Variants in ALG13 observed in about 807,000 individuals in gnomAD.
The protein encoded by ALG13 is UDP-N-acetylglucosamine transferase subunit ALG13.
In ALG13, 11 loss-of-function variants were observed where a neutral mutation model predicts 87.8. That is an observed-to-expected ratio of 0.13 (90% CI 0.08 to 0.21). The LOEUF is 0.21. Among genes scored for constraint, ALG13 ranks in the 10% least tolerant of loss-of-function variants. ALG13 has a pLI of 1.00. For synonymous variants in ALG13, 320 were observed against 306.3 expected (o/e 1.04, Z -0.47); for missense variants, 756 against 866.1 (o/e 0.87, Z 1.60).
At chrX:111,742,090 A>G (rs113235019) in intron 23 of ALG13, among the ~76,000 whole-genome samples, 2,249 of 111,816 alleles carry the variant, frequency 0.02, 56 homozygotes, top group African/African-American at 0.07. Context: ...TACTGCCTTC[A>G]TTTATTTGCT....
intron 23 of ALG13, among the ~76,000 whole-genome samples, chrX:111,742,536 A>G (rs774858087): frequency 8.9e-6 from 1 of 112,313 alleles, no homozygotes; most frequent in Non-Finnish European, 1.9e-5. Flanking sequence ...CAAAGTATCA[A>G]TTGTAAATAA....
chrX:111,708,112 T>C lies in ALG13; in HGVS notation c.469T>C (p.Phe157Leu). The C allele has an allele frequency of 1.7e-6, 2 of 1,211,569 alleles. No homozygotes were observed. The highest frequency in any genetic ancestry group is 5.9e-5 in the East Asian group (2 of 33,826). ...TTCTGCAGCGCTGACTTCAACTGCC[T>C]TTTCAGGCCTAGACTTTGGGCTGCT... ...QDSAALTSTA[F>L]SGLDFGLLSG... is the part of the protein sequence containing the mutation. The change falls in exon 4 of 27, where the codon TTT becomes CTT. Residue 157 changes from phenylalanine (F) to leucine (L), a missense_variant. Transcript: ENST00000394780.
At chrX:111,732,016 G>A (rs1053095562) in intron 21 of ALG13, among the ~76,000 whole-genome samples, 1 of 111,565 alleles carries the variant, frequency 9.0e-6, no homozygotes, top group Non-Finnish European at 1.9e-5. Flanking sequence ...ACTGTTTGTC[G>A]TTGTTCAAAC....
intron 3 of ALG13, chrX:111,688,554 T>C: frequency 1.3e-6 from 1 of 742,718 alleles, no homozygotes; most frequent in Non-Finnish European, 1.6e-6. Flanking sequence ...CAGAGTGGAG[T>C]GGATATATTC....
intron 25 of ALG13, among the ~76,000 whole-genome samples, chrX:111,755,859 T>C (rs1428911450): frequency 2.7e-5 from 3 of 112,511 alleles, no homozygotes; most frequent in Non-Finnish European, 5.6e-5. Flanking sequence ...GACAGTGTGG[T>C]AATTCCTCAA....
intron 3 of ALG13, among the ~76,000 whole-genome samples, chrX:111,699,964 A>G (rs1214611013): frequency 9.3e-6 from 1 of 108,082 alleles, no homozygotes; most frequent in Non-Finnish European, 1.9e-5. Context: ...TCTGTGGATC[A>G]CTTTGGTAGT....
At chrX:111,722,213 G>A (rs918900863) in intron 12 of ALG13, among the ~76,000 whole-genome samples, 5 of 112,106 alleles carry the variant, frequency 4.5e-5, no homozygotes, top group Non-Finnish European at 9.4e-5. Context: ...CAGAGTTTGA[G>A]TAGTTCTGAG....
Position 111,726,959 on chromosome X carries a change from T to C in ALG13, c.1880T>C (p.Met627Thr), listed in dbSNP as rs1356777778. The C allele has an allele frequency of 2.5e-6, 3 of 1,211,690 alleles. No homozygotes were observed. The highest frequency in any genetic ancestry group is 1.8e-5 in the South Asian group (1 of 56,968). Residue 627 changes from methionine to threonine, a missense_variant, in exon 16 of 27, where the codon ATG (methionine) becomes ACG (threonine). Transcript: ENST00000394780. The part of the protein sequence containing the change: ...HSMHYGHDPP[M>T]HYSQTAGNVM... ...ATGCATTATGGGCACGATCCTCCAATGCACTACTCACAGACAGCTGGCAAT... is the reference window on the plus strand; with the variant it reads ...ATGCATTATGGGCACGATCCTCCAACGCACTACTCACAGACAGCTGGCAAT...
intron 21 of ALG13, among the ~76,000 whole-genome samples, chrX:111,731,388 T>C (rs1942669429): frequency 1.8e-5 from 2 of 112,082 alleles, no homozygotes; most frequent in South Asian, 7.5e-4. Flanking sequence ...AAAAAAACAG[T>C]TATTGGCCTG....
chrX:111,727,901 T>C lies in ALG13; in HGVS notation c.2247+131T>C, dbSNP rs1942241909. The C allele has an allele frequency of 3.8e-6, 3 of 787,230 alleles. No individual in the cohort carries two copies. The East Asian group carries it at 1.1e-4, about 28-fold the overall frequency. The allele number at this position is 787,230 out of a possible 1,213,427, so 64.9% of individuals were successfully genotyped here. ...CAAAGCCTTTTCTGGAAAATGAAAA[T>C]GAGAAAAGAGACATTTTCTCCCAGC... is the stretch of plus-strand genomic sequence containing the variant. On this transcript the variant is annotated intron_variant, in intron 18 of 26. Transcript: ENST00000394780.
At position 111,735,142 on chromosome X, in the gene ALG13, T is replaced by C. The variant is rs1943114491; in HGVS notation, c.2529+20T>C. On this transcript the variant is annotated intron_variant, in intron 22 of 26. Transcript: ENST00000394780. ...CAGAAGGTAATCCTCATAGTGTTAT[T>C]AAGCAGTTACAATGGCCTGAACACA... The C allele has an allele frequency of 9.4e-7, 1 of 1,065,705 alleles. No individual in the cohort carries two copies. Among genetic ancestry groups the C allele is most frequent in the East Asian group, 3.0e-5 (1 of 32,789 alleles). 87.8% of individuals were successfully genotyped at this position (1,065,705 alleles called of 1,213,427 possible).
intron 3 of ALG13, among the ~76,000 whole-genome samples, chrX:111,703,233 C>T (rs988958122): frequency 4.5e-5 from 5 of 110,277 alleles, no homozygotes; most frequent in African/African-American, 1.6e-4. Flanking sequence ...TTCTTTCCCT[C>T]TGCTTTCCTC....
chrX:111,739,085 A>G (rs949211755), intron 23 of ALG13, among the ~76,000 whole-genome samples: 11 of 111,867 alleles, frequency 9.8e-5, no homozygotes, highest in African/African-American at 3.6e-4. Context: ...TGGGTAATAT[A>G]TAAAAGAAAG....
At chrX:111,722,938 C>A in intron 13 of ALG13, 81 bp downstream of exon 13, 1 of 684,672 alleles carries the variant, frequency 1.5e-6, no homozygotes, top group Non-Finnish European at 2.2e-6. Flanking sequence ...GACTTATTTA[C>A]AAAGTACTAG....
chrX:111,743,916 A>T (rs773441533), intron 23 of ALG13: 1 of 111,528 alleles, frequency 9.0e-6, no homozygotes, highest in East Asian at 2.8e-4. Context: ...TAAAAAAAAA[A>T]AATTAACAAA....
chrX:111,749,889 C>T lies in ALG13; in HGVS notation c.2933-2901C>T, dbSNP rs1018463092. ...TCCACTGCCTCTTTCCTAGGTCATG[C>T]CTTTATCACCTTGTCCCTGAACAGT... On this transcript the variant is annotated intron_variant, in intron 24 of 26. Coordinates refer to ENST00000394780, the MANE Select transcript of ALG13 (RefSeq NM_001099922.3). Among the ~76,000 whole-genome samples, 14 of 111,599 alleles carry T rather than the reference C, an allele frequency of 1.3e-4. 1 individual carries two copies. The highest frequency in any genetic ancestry group is 4.2e-4 in the African/African-American group (13 of 30,705).
intron 24 of ALG13, among the ~76,000 whole-genome samples, chrX:111,750,618 C>G (rs753858339): frequency 1.3e-4 from 14 of 110,108 alleles, no homozygotes. Flanking sequence ...ATTTTTTTAG[C>G]AGTATTGTAT....
intron 3 of ALG13, among the ~76,000 whole-genome samples, chrX:111,705,476 A>G (rs1938576394): frequency 9.0e-6 from 1 of 111,717 alleles, no homozygotes; most frequent in African/African-American, 3.2e-5. Flanking sequence ...AAAGTTTTTA[A>G]TTTTGATAAA....
intron 3 of ALG13, among the ~76,000 whole-genome samples, chrX:111,700,527 T>C (rs1472496265): frequency 9.1e-6 from 1 of 110,093 alleles, no homozygotes; most frequent in Non-Finnish European, 1.9e-5. Context: ...TTTATTGTAC[T>C]GATATACATT....
Sources: gnomAD v4.1 joint callset for allele counts (sites outside exome capture counted in the v4.1 genomes callset) on GRCh38, gnomAD v4.1.1 for gene constraint, MANE v1.5 for transcripts, NCBI Gene and HGNC (gene_info 2026-07-23, HGNC 2026-07-21) for gene names.